TMEM132D: variants seen among roughly 807,000 people sequenced by gnomAD.
TMEM132D encodes mature OL transmembrane protein.
Under a neutral mutation model 62.3 loss-of-function variants are expected in TMEM132D, and 21 were observed. That is an observed-to-expected ratio of 0.34 (90% CI 0.24 to 0.49). The LOEUF (loss-of-function observed/expected upper bound fraction) is 0.49. Among genes scored for constraint, TMEM132D ranks in the 20% least tolerant of loss-of-function variants. The probability of loss-of-function intolerance (pLI) is 0.99; values close to 1 mark genes in which losing one functional copy is unlikely to be tolerated. For synonymous variants in TMEM132D, 621 were observed against 575.6 expected, an observed-to-expected ratio of 1.08 and a Z score of -1.13; for missense variants, 1,346 against 1,402.8, an observed-to-expected ratio of 0.96 and a Z score of 0.65.
At chr12:129,300,847 G>A (rs760381302) in intron 4 of TMEM132D, among the ~76,000 whole-genome samples, 2 of 152,104 alleles carry the variant, frequency 1.3e-5, no homozygotes, top group Non-Finnish European at 2.9e-5. Context: ...TGTACCCAGA[G>A]GTTGCCTGAA....
At chr12:129,721,022 TG>T (rs1241431274) in intron 1 of TMEM132D, among the ~76,000 whole-genome samples, 1 of 152,172 alleles carries the variant, frequency 6.6e-6, no homozygotes, top group Non-Finnish European at 1.5e-5. Context: ...CATCTGCGTG[TG>T]GAGGGACCAC....
At chr12:129,448,619 G>T (rs1426541552) in intron 3 of TMEM132D, among the ~76,000 whole-genome samples, 1 of 152,060 alleles carries the variant, frequency 6.6e-6, no homozygotes, top group Non-Finnish European at 1.5e-5. Context: ...TCTTTATCCA[G>T]TCGGTCATTG....
intron 1 of TMEM132D, among the ~76,000 whole-genome samples, chr12:129,746,485 A>C (rs1869783440): frequency 6.6e-6 from 1 of 152,114 alleles, no homozygotes; most frequent in Admixed American, 6.5e-5. Flanking sequence ...AAATACATTA[A>C]AGGTGAGCTC....
At chr12:129,095,663 T>C (rs1201316146) in intron 5 of TMEM132D, among the ~76,000 whole-genome samples, 1 of 152,118 alleles carries the variant, frequency 6.6e-6, no homozygotes, top group African/African-American at 2.4e-5. Flanking sequence ...GGTTTCCTTT[T>C]AAGAAGAAGA....
chr12:129,574,711 A>G (rs1877610574), intron 2 of TMEM132D, among the ~76,000 whole-genome samples: 1 of 151,750 alleles, frequency 6.6e-6, no homozygotes, highest in Non-Finnish European at 1.5e-5. Flanking sequence ...AAAACCCGAG[A>G]ATATAGCTCA....
intron 3 of TMEM132D, among the ~76,000 whole-genome samples, chr12:129,370,749 T>C (rs1229711758): frequency 6.6e-6 from 1 of 151,320 alleles, no homozygotes; most frequent in Non-Finnish European, 1.5e-5. Context: ...GAACTGGAAG[T>C]CATTATGTTA....
At chr12:129,585,552 C>A (rs758711304) in intron 2 of TMEM132D, among the ~76,000 whole-genome samples, 1 of 152,186 alleles carries the variant, frequency 6.6e-6, no homozygotes, top group Non-Finnish European at 1.5e-5. Flanking sequence ...ATGTAAGGAG[C>A]TGTCTCAAAT....
chr12:129,836,415 C>T (rs1398532061), intron 1 of TMEM132D, among the ~76,000 whole-genome samples: 2 of 151,892 alleles, frequency 1.3e-5, no homozygotes, highest in Non-Finnish European at 2.9e-5. Context: ...TGCAGTGTTT[C>T]CTATGATCAG....
chr12:129,532,379 T>C (rs1427017299), intron 2 of TMEM132D, among the ~76,000 whole-genome samples: 1 of 152,188 alleles, frequency 6.6e-6, no homozygotes, highest in African/African-American at 2.4e-5. Context: ...CTCTCTGTCA[T>C]GCCAGAGGAG....
intron 3 of TMEM132D, among the ~76,000 whole-genome samples, chr12:129,352,893 C>T (rs1278705403): frequency 6.6e-6 from 1 of 152,204 alleles, no homozygotes; most frequent in Non-Finnish European, 1.5e-5. Flanking sequence ...CCACTTGACC[C>T]AGCAATCCCA....
chr12:129,607,685 A>G (rs1878664174), intron 2 of TMEM132D, among the ~76,000 whole-genome samples: 1 of 152,198 alleles, frequency 6.6e-6, no homozygotes, highest in Non-Finnish European at 1.5e-5. Flanking sequence ...TTCATTCAAT[A>G]AATAGAATGA....
At chr12:129,519,463 T>A (rs1316378234) in intron 3 of TMEM132D, among the ~76,000 whole-genome samples, 1 of 152,232 alleles carries the variant, frequency 6.6e-6, no homozygotes, top group Non-Finnish European at 1.5e-5. Flanking sequence ...TAGAAAATGT[T>A]TTGAAAGCCG....
At chr12:129,087,966 GTCCTCCATGACC>G (rs1279340881) in intron 5 of TMEM132D, among the ~76,000 whole-genome samples, 4 of 104,990 alleles carry the variant, frequency 3.8e-5, no homozygotes, top group African/African-American at 1.6e-4. Flanking sequence ...TGACCGGGGT[GTCCTCCATGACC>G]GGGTGTCCTC....
At chr12:129,654,925 T>C (rs1164238345) in intron 2 of TMEM132D, among the ~76,000 whole-genome samples, 1 of 152,180 alleles carries the variant, frequency 6.6e-6, no homozygotes, top group Non-Finnish European at 1.5e-5. Context: ...TGTTCTCTCA[T>C]TTAATTTCCT....
chr12:129,614,212 G>A (rs1352612937), intron 2 of TMEM132D, among the ~76,000 whole-genome samples: 4 of 152,236 alleles, frequency 2.6e-5, no homozygotes, highest in Non-Finnish European at 5.9e-5. Context: ...CCCTCTATCA[G>A]TGAGGACTGC....
At chr12:129,158,949 T>G (rs550703316) in intron 5 of TMEM132D, among the ~76,000 whole-genome samples, 16 of 152,272 alleles carry the variant, frequency 1.1e-4, no homozygotes, top group African/African-American at 3.8e-4. Flanking sequence ...ATGCCCCTTT[T>G]AAACCATCAG....
chr12:129,712,603 G>A (rs1411484308), intron 1 of TMEM132D, among the ~76,000 whole-genome samples: 1 of 152,138 alleles, frequency 6.6e-6, no homozygotes, highest in African/African-American at 2.4e-5. Context: ...TGGTTACTGG[G>A]CACTGAAAGT....
intron 1 of TMEM132D, among the ~76,000 whole-genome samples, chr12:129,785,480 C>T (rs1871226045): frequency 1.3e-5 from 2 of 152,326 alleles, no homozygotes; most frequent in African/African-American, 4.8e-5. Flanking sequence ...CATGCTAAAT[C>T]AACGTTATTT....
chr12:129,488,311 C>T (rs931293706), intron 3 of TMEM132D, among the ~76,000 whole-genome samples: 6 of 152,210 alleles, frequency 3.9e-5, no homozygotes, highest in Non-Finnish European at 8.8e-5. Context: ...CTGGCACCAG[C>T]CCTGCAGCTT....
Sources: allele counts gnomAD v4.1 joint callset (sites outside exome capture counted in the v4.1 genomes callset), GRCh38; gene constraint gnomAD v4.1.1; transcripts MANE v1.5; gene names NCBI Gene and HGNC (gene_info 2026-07-23, HGNC 2026-07-21).